Variants in HEMK2 observed in about 807,000 individuals in gnomAD.
The protein encoded by HEMK2 is methyltransferase HEMK2.
At chr21:28,866,037 T>C in the HEMK2 span, among the ~76,000 whole-genome samples, 2 of 151,256 alleles carry the variant, frequency 1.3e-5, no homozygotes, top group African/African-American at 4.9e-5. Context: ...GCACAGTGAC[T>C]CATGCCTGTA....
At chr21:28,589,207 T>C in the HEMK2 span, among the ~76,000 whole-genome samples, 2 of 152,056 alleles carry the variant, frequency 1.3e-5, no homozygotes, top group African/African-American at 4.8e-5. Flanking sequence ...TTTAGGGAAG[T>C]GAAACTATTT....
At chr21:28,635,917 C>T in the HEMK2 span, among the ~76,000 whole-genome samples, 1 of 151,968 alleles carries the variant, frequency 6.6e-6, no homozygotes, top group African/African-American at 2.4e-5. Context: ...TATTTTATTT[C>T]ATCTCATTTT....
the HEMK2 span, among the ~76,000 whole-genome samples, chr21:28,649,532 C>T: frequency 1.3e-3 from 193 of 152,196 alleles, 1 homozygote; most frequent in Middle Eastern, 3.4e-3. Context: ...TATTCTAGTT[C>T]GGGAGGCAGA....
the HEMK2 span, among the ~76,000 whole-genome samples, chr21:28,749,388 T>C: frequency 2.0e-5 from 3 of 152,314 alleles, no homozygotes; most frequent in African/African-American, 7.2e-5. Context: ...ACTATTATTA[T>C]CCCATTTTTA....
chr21:28,623,431 C>T, the HEMK2 span, among the ~76,000 whole-genome samples: 1 of 152,182 alleles, frequency 6.6e-6, no homozygotes, highest in Non-Finnish European at 1.5e-5. Context: ...TGTGACAATT[C>T]CTCAAGGATC....
At chr21:28,580,557 T>G in the HEMK2 span, among the ~76,000 whole-genome samples, 1 of 103,938 alleles carries the variant, frequency 9.6e-6, no homozygotes, top group Admixed American at 9.4e-5. Context: ...ATGAGAAAAG[T>G]TTAATGCACT....
the HEMK2 span, among the ~76,000 whole-genome samples, chr21:28,784,750 C>A: frequency 6.6e-6 from 1 of 152,090 alleles, no homozygotes; most frequent in African/African-American, 2.4e-5. Context: ...ACAGACCAAT[C>A]AGCTCTCTGT....
the HEMK2 span, among the ~76,000 whole-genome samples, chr21:28,582,482 T>C: frequency 3.3e-5 from 5 of 152,174 alleles, no homozygotes; most frequent in Non-Finnish European, 4.4e-5. Context: ...TTGTGTATCA[T>C]GGCCTTCAGG....
chr21:28,819,616 G>A, the HEMK2 span, among the ~76,000 whole-genome samples: 5 of 141,558 alleles, frequency 3.5e-5, no homozygotes, highest in South Asian at 2.2e-4. Context: ...GCGCGATCTC[G>A]GCTCACTGCA....
chr21:28,600,870 C>G, the HEMK2 span, among the ~76,000 whole-genome samples: 6 of 152,204 alleles, frequency 3.9e-5, no homozygotes, highest in Non-Finnish European at 7.3e-5. Flanking sequence ...TGCCACCAGT[C>G]TCTTTGCTAA....
chr21:28,765,166 G>A, the HEMK2 span, among the ~76,000 whole-genome samples: 1 of 152,054 alleles, frequency 6.6e-6, no homozygotes, highest in Non-Finnish European at 1.5e-5. Flanking sequence ...CTAACAACCA[G>A]CAAGAAATGG....
At chr21:28,883,489 A>G in the HEMK2 span, among the ~76,000 whole-genome samples, 1 of 152,188 alleles carries the variant, frequency 6.6e-6, no homozygotes, top group African/African-American at 2.4e-5. Flanking sequence ...AAGTTCCTCT[A>G]TCATTTTTAA....
At chr21:28,663,102 C>T in the HEMK2 span, among the ~76,000 whole-genome samples, 1 of 152,108 alleles carries the variant, frequency 6.6e-6, no homozygotes, top group Non-Finnish European at 1.5e-5. Context: ...GAAGAGAATA[C>T]ACAAAGAATA....
chr21:28,643,381 T>C, the HEMK2 span, among the ~76,000 whole-genome samples: 1 of 151,890 alleles, frequency 6.6e-6, no homozygotes, highest in Non-Finnish European at 1.5e-5. Flanking sequence ...TATGAGAACA[T>C]AGAGAAAAGA....
chr21:28,815,350 T>C, the HEMK2 span, among the ~76,000 whole-genome samples: 34 of 151,378 alleles, frequency 2.2e-4, no homozygotes, highest in East Asian at 6.6e-3. Context: ...GTTGTGCACA[T>C]GTACCCTAAA....
the HEMK2 span, among the ~76,000 whole-genome samples, chr21:28,715,796 C>T: frequency 1.3e-5 from 2 of 152,134 alleles, no homozygotes; most frequent in East Asian, 3.8e-4. Flanking sequence ...AGTCTTTAAT[C>T]TATCTTAAGT....
chr21:28,825,539 G>A, the HEMK2 span, among the ~76,000 whole-genome samples: 1 of 152,226 alleles, frequency 6.6e-6, no homozygotes, highest in African/African-American at 2.4e-5. Flanking sequence ...ACCAGGCTAA[G>A]AGGATCTGGA....
At chr21:28,670,982 G>A in the HEMK2 span, 6 of 152,152 alleles carry the variant, frequency 3.9e-5, no homozygotes, top group East Asian at 3.8e-4. Context: ...ATTTGGTTGG[G>A]GACACAGAGT....
chr21:28,867,006 C>A, the HEMK2 span, among the ~76,000 whole-genome samples: 1 of 152,058 alleles, frequency 6.6e-6, no homozygotes, highest in Non-Finnish European at 1.5e-5. Flanking sequence ...TCTAAGAAGT[C>A]TAACAGTCCC....
Sources: gnomAD v4.1 joint callset for allele counts (sites outside exome capture counted in the v4.1 genomes callset) on GRCh38, gnomAD v4.1.1 for gene constraint, MANE v1.5 for transcripts, NCBI Gene and HGNC (gene_info 2026-07-23, HGNC 2026-07-21) for gene names.